The following SKIC3 variants were observed in gnomAD, a reference collection of about 807,000 sequenced individuals.
SKIC3 encodes superkiller complex protein 3.
At chr5:95,539,807 G>GCAC in the SKIC3 span, among the ~76,000 whole-genome samples, 2 of 142,432 alleles carry the variant, frequency 1.4e-5, no homozygotes, top group South Asian at 2.2e-4. Context: ...TTGCACCACT[G>GCAC]CACTCCAGCC....
At chr5:95,541,814 C>T in the SKIC3 span, 1 of 1,601,622 alleles carries the variant, frequency 6.2e-7, no homozygotes, top group Non-Finnish European at 8.6e-7. Flanking sequence ...ACATTTCTTA[C>T]CTCTCATAAA....
chr5:95,496,899 G>T, the SKIC3 span, among the ~76,000 whole-genome samples: 1 of 152,272 alleles, frequency 6.6e-6, no homozygotes, highest in African/African-American at 2.4e-5. Context: ...GAAGTTAATA[G>T]AAGAATAGAC....
chr5:95,465,447 T>C, the SKIC3 span, among the ~76,000 whole-genome samples: 3 of 152,192 alleles, frequency 2.0e-5, no homozygotes, highest in Non-Finnish European at 4.4e-5. Flanking sequence ...TTTCACAAAC[T>C]AGAAGATTCA....
the SKIC3 span, among the ~76,000 whole-genome samples, chr5:95,535,289 G>A: frequency 6.6e-6 from 1 of 150,604 alleles, no homozygotes; most frequent in Non-Finnish European, 1.5e-5. Context: ...ACCAAAACCA[G>A]AGCTGAAGGT....
At chr5:95,489,249 G>C in the SKIC3 span, among the ~76,000 whole-genome samples, 1 of 151,820 alleles carries the variant, frequency 6.6e-6, no homozygotes, top group Non-Finnish European at 1.5e-5. Flanking sequence ...GGTCAGTCTG[G>C]GCAACACAGC....
the SKIC3 span, chr5:95,484,988 A>G: frequency 2.3e-6 from 2 of 858,562 alleles, no homozygotes; most frequent in East Asian, 5.2e-5. Flanking sequence ...TGTACCATAG[A>G]CTATCCTGAC....
At chr5:95,532,645 A>T in the SKIC3 span, among the ~76,000 whole-genome samples, 2 of 152,176 alleles carry the variant, frequency 1.3e-5, no homozygotes, top group African/African-American at 4.8e-5. Context: ...ATTCATTGCA[A>T]ATGAATAGAA....
At chr5:95,481,049 A>G in the SKIC3 span, among the ~76,000 whole-genome samples, 1 of 152,156 alleles carries the variant, frequency 6.6e-6, no homozygotes, top group Non-Finnish European at 1.5e-5. Flanking sequence ...GGTGTTAAAC[A>G]GGTATGTCAT....
chr5:95,543,518 T>C, the SKIC3 span, among the ~76,000 whole-genome samples: 11 of 152,184 alleles, frequency 7.2e-5, no homozygotes, highest in Non-Finnish European at 1.3e-4. Context: ...GTGACCATAA[T>C]GGCTTTGAAA....
At chr5:95,517,760 G>C in the SKIC3 span, among the ~76,000 whole-genome samples, 1 of 152,028 alleles carries the variant, frequency 6.6e-6, no homozygotes, top group East Asian at 1.9e-4. Flanking sequence ...ATGCTGTGTA[G>C]TTTTGACTAC....
chr5:95,505,290 C>T, the SKIC3 span, among the ~76,000 whole-genome samples: 1 of 152,060 alleles, frequency 6.6e-6, no homozygotes, highest in African/African-American at 2.4e-5. Flanking sequence ...GCAACCTTCA[C>T]TTCTAAATAA....
chr5:95,521,042 T>C, the SKIC3 span, among the ~76,000 whole-genome samples: 1 of 152,018 alleles, frequency 6.6e-6, no homozygotes, highest in Non-Finnish European at 1.5e-5. Context: ...TATAAAAAAG[T>C]TATCTACAGA....
At chr5:95,484,171 A>G in the SKIC3 span, among the ~76,000 whole-genome samples, 2 of 152,126 alleles carry the variant, frequency 1.3e-5, no homozygotes, top group Admixed American at 1.3e-4. Context: ...TATCTGTAAA[A>G]ATGAGGATAA....
the SKIC3 span, chr5:95,530,042 G>T: frequency 6.2e-7 from 1 of 1,603,680 alleles, no homozygotes; most frequent in South Asian, 1.1e-5. Flanking sequence ...CCTACTGACT[G>T]AATAATAATT....
chr5:95,547,134 A>G, the SKIC3 span: 3 of 1,612,994 alleles, frequency 1.9e-6, no homozygotes, highest in Non-Finnish European at 2.5e-6. Flanking sequence ...AGCAGTCTTC[A>G]CTTCCTTGCT....
At chr5:95,524,397 A>T in the SKIC3 span, 40 of 1,587,406 alleles carry the variant, frequency 2.5e-5, no homozygotes, top group Non-Finnish European at 3.1e-5. Flanking sequence ...TAACTAATGT[A>T]TATGATTATT....
chr5:95,498,506 C>CT, the SKIC3 span: 10 of 1,614,162 alleles, frequency 6.2e-6, no homozygotes, highest in East Asian at 2.2e-4. Flanking sequence ...TTAAGTGCTG[C>CT]TTTTGACAGT....
the SKIC3 span, among the ~76,000 whole-genome samples, chr5:95,533,905 A>C: frequency 7.9e-5 from 12 of 152,158 alleles, no homozygotes; most frequent in Non-Finnish European, 1.5e-4. Context: ...ATTTATGCTT[A>C]TTGAGAAAGC....
the SKIC3 span, among the ~76,000 whole-genome samples, chr5:95,496,701 A>G: frequency 6.6e-6 from 1 of 152,226 alleles, no homozygotes; most frequent in South Asian, 2.1e-4. Flanking sequence ...GTAAACAAAG[A>G]AACAAAGCCA....
Sources: allele counts gnomAD v4.1 joint callset (sites outside exome capture counted in the v4.1 genomes callset), GRCh38; gene constraint gnomAD v4.1.1; transcripts MANE v1.5; gene names NCBI Gene and HGNC (gene_info 2026-07-23, HGNC 2026-07-21).